The following ANKRD36C variants were observed in gnomAD, a reference collection of about 807,000 sequenced individuals.
ANKRD36C encodes ankyrin repeat domain-containing protein 36C.
ANKRD36C carries 61 observed loss-of-function variants against 276.4 expected under a neutral mutation model. The observed-to-expected ratio is 0.22, with a 90% CI of 0.18 to 0.27. ANKRD36C has a LOEUF of 0.27. ANKRD36C is among the 10% of genes least tolerant of loss of function. The pLI, the probability that ANKRD36C is intolerant of heterozygous loss-of-function variation, is 1.00. For synonymous variants in ANKRD36C, 483 were observed against 680.1 expected (o/e 0.71, Z 4.51); for missense variants, 1,447 against 2,032.3 (o/e 0.71, Z 5.54).
At chr2:95,978,005 A>C in intron 6 of ANKRD36C, 117 bp downstream of exon 6, 1 of 371,042 alleles carries the variant, frequency 2.7e-6, no homozygotes, top group South Asian at 3.3e-5. Context: ...AGTATTTTTT[A>C]AATGTGTGCA....
At chr2:95,878,183 CAAAAAA>C (rs566417679) in intron 58 of ANKRD36C, among the ~76,000 whole-genome samples, 1 of 62,736 alleles carries the variant, frequency 1.6e-5, no homozygotes, top group Non-Finnish European at 3.4e-5. Flanking sequence ...GACTCTGTCT[CAAAAAA>C]AAAAAAAAAA....
chr2:95,984,841 A>G (rs1678996839), intron 3 of ANKRD36C, among the ~76,000 whole-genome samples: 2 of 152,158 alleles, frequency 1.3e-5, no homozygotes, highest in South Asian at 4.1e-4. Flanking sequence ...TAAAAATACA[A>G]TGGCTTATCA....
At chr2:95,989,083 C>T (rs562085748) in intron 1 of ANKRD36C, among the ~76,000 whole-genome samples, 1 of 152,250 alleles carries the variant, frequency 6.6e-6, no homozygotes, top group Admixed American at 6.5e-5. Flanking sequence ...GTGGGAGAAT[C>T]ACTTGAACCT....
chr2:95,860,096 G>A, intron 60 of ANKRD36C, 22 bp from the exon 81 acceptor site: 1 of 1,425,038 alleles, frequency 7.0e-7, no homozygotes, highest in Non-Finnish European at 9.6e-7. Flanking sequence ...AAAAAACAAA[G>A]TAGAGATAAA....
intron 8 of ANKRD36C, 77 bp downstream of exon 8, chr2:95,962,275 C>G: frequency 6.8e-7 from 1 of 1,461,510 alleles, no homozygotes. Context: ...TCAATGAGCT[C>G]CCTGCGATTT....
At chr2:95,866,544 A>G (rs2104284584) in intron 60 of ANKRD36C, among the ~76,000 whole-genome samples, 1 of 152,264 alleles carries the variant, frequency 6.6e-6, no homozygotes, top group South Asian at 2.1e-4. Flanking sequence ...TCAACATTTT[A>G]GTCATTAGGA....
At chr2:95,925,396 A>G (rs1677376191) in exon 30 of ANKRD36C, 1 of 1,568,508 alleles carries the variant, frequency 6.4e-7, no homozygotes, top group Non-Finnish European at 8.6e-7. Context: ...GGCAATATTC[A>G]AAAGAGAAAC....
chr2:95,910,433 C>T (rs755711202), intron 42 of ANKRD36C: 13 of 1,563,824 alleles, frequency 8.3e-6, no homozygotes, highest in South Asian at 5.8e-5. Flanking sequence ...GAATCTTCCT[C>T]GTCACTTGTA....
At chr2:95,891,934 A>G (rs1676375617) in intron 44 of ANKRD36C, 74 bp from the exon 65 acceptor site, 2 of 1,543,428 alleles carry the variant, frequency 1.3e-6, no homozygotes, top group Admixed American at 3.9e-5. Flanking sequence ...ATGCAGTGTT[A>G]GCATCAACCT....
chr2:95,989,154 A>G (rs1355996529), intron 1 of ANKRD36C, among the ~76,000 whole-genome samples: 1 of 152,232 alleles, frequency 6.6e-6, no homozygotes, highest in East Asian at 1.9e-4. Context: ...GCAACAGGGT[A>G]AGACTCCATC....
rs1677635417 is a variant in ANKRD36C, at chr2:95,933,715, C to A, written c.1735+1739G>T. ...TTTCCTAAAAATACAATCATGTTATCTGCAGAGACAATTTGACTTCCTTTC... is the reference window on the plus strand; with the variant it reads ...TTTCCTAAAAATACAATCATGTTATATGCAGAGACAATTTGACTTCCTTTC... On this transcript the variant is annotated intron_variant, in intron 24 of 66. Transcript: ENST00000456556. 2.0e-5 allele frequency among the ~76,000 whole-genome samples: 3 copies of A among 152,326 alleles called. No individual in the cohort carries two copies. The South Asian group carries it at 6.2e-4, about 32-fold the overall frequency.
At chr2:95,875,034 G>A (rs929432268) in intron 59 of ANKRD36C, among the ~76,000 whole-genome samples, 20 of 152,318 alleles carry the variant, frequency 1.3e-4, no homozygotes, top group African/African-American at 4.3e-4. Context: ...CAAACAACAG[G>A]TGCTGGAGAA....
At chr2:95,957,043 C>T (rs1233103430) in intron 12 of ANKRD36C, among the ~76,000 whole-genome samples, 1 of 151,694 alleles carries the variant, frequency 6.6e-6, no homozygotes, top group Non-Finnish European at 1.5e-5. Flanking sequence ...AGGCAGGGCT[C>T]GGTGGGTCAC....
At chr2:95,944,495 T>C (rs1444473650) in intron 19 of ANKRD36C, 132 bp downstream of exon 19, 8 of 940,628 alleles carry the variant, frequency 8.5e-6, no homozygotes, top group South Asian at 3.6e-5. Context: ...GAATAAAGCA[T>C]GGGAAAACTA....
chr2:95,912,394 A>T lies in ANKRD36C; in HGVS notation c.2580+13T>A, dbSNP rs779707630. ...CGTTTACTAGCTCACAATATGAATG[A>T]GAGTTTCATTACCTTCAAGGCTGGT... On this transcript the variant is annotated intron_variant, in intron 41 of 66. Transcript: ENST00000456556. 5 of 1,603,966 alleles carry T rather than the reference A, an allele frequency of 3.1e-6. No individual in the cohort carries two copies. The East Asian group carries it at 1.1e-4, about 36-fold the overall frequency.
intron 15 of ANKRD36C, 23 bp downstream of exon 15, chr2:95,951,325 T>G: frequency 7.2e-7 from 1 of 1,381,026 alleles, no homozygotes; most frequent in Non-Finnish European, 9.9e-7. Flanking sequence ...AATACTACAA[T>G]AGGCAGGCTT....
chr2:95,960,381 G>C lies in ANKRD36C; in HGVS notation c.1003+92C>G, dbSNP rs1010988113. ...CAGGCCCGCTGAATCAGAATGTGCA[G>C]CTTCAATGAGCCCCCTGCTGATTTA... is the stretch of plus-strand genomic sequence containing the variant. On this transcript the variant is annotated intron_variant, in intron 10 of 66. Coordinates refer to ENST00000456556, the Ensembl canonical transcript of ANKRD36C. 3 of 1,457,498 alleles carry C rather than the reference G, an allele frequency of 2.1e-6. No homozygotes were observed. In the African/African-American group the frequency reaches 4.2e-5, roughly 21 times the overall value. 90.3% of individuals were successfully genotyped at this position (1,457,498 alleles called of 1,614,324 possible).
At chr2:95,974,086 T>C (rs1292392695) in intron 6 of ANKRD36C, among the ~76,000 whole-genome samples, 1 of 150,838 alleles carries the variant, frequency 6.6e-6, no homozygotes. Flanking sequence ...TATATATAGA[T>C]GGTTAAAGGT....
chr2:95,955,470 A>G (rs1439121586), intron 13 of ANKRD36C, among the ~76,000 whole-genome samples: 1 of 152,160 alleles, frequency 6.6e-6, no homozygotes, highest in African/African-American at 2.4e-5. Flanking sequence ...AACTTGCATT[A>G]AACCAAATAT....
Sources: gnomAD v4.1 joint callset for allele counts (sites outside exome capture counted in the v4.1 genomes callset) on GRCh38, gnomAD v4.1.1 for gene constraint, MANE v1.5 for transcripts, NCBI Gene and HGNC (gene_info 2026-07-23, HGNC 2026-07-21) for gene names.